The following IL12RB2 variants were observed in gnomAD, a reference collection of about 807,000 sequenced individuals.
The protein encoded by IL12RB2 is interleukin 12 receptor subunit beta 2.
IL12RB2 carries 82 observed loss-of-function variants against 89.4 expected under a neutral mutation model. That is an observed-to-expected ratio of 0.92 (90% CI 0.77 to 1.10). The LOEUF (loss-of-function observed/expected upper bound fraction) is 1.10. Ranked by LOEUF, IL12RB2 falls within the 50% of genes least tolerant of loss-of-function variation. The pLI, the probability that IL12RB2 is intolerant of heterozygous loss-of-function variation, is 0.00. For missense variants in IL12RB2, 963 were observed against 1,031.9 expected, an observed-to-expected ratio of 0.93 and a Z score of 0.92; for synonymous variants, 368 against 370.1, an observed-to-expected ratio of 0.99 and a Z score of 0.07.
chr1:67,341,497 G>GAGAAAGAAAGAAAGAGAAAAAGAAAGTA, intron 9 of IL12RB2, among the ~76,000 whole-genome samples: 1 of 126,678 alleles, frequency 7.9e-6, no homozygotes, highest in African/African-American at 2.8e-5. Context: ...AATAGAGAAA[G>GAGAAAGAAAGAAAGAGAAAAAGAAAGTA]AGAAAGAAGA....
At chr1:67,379,556 G>A (rs1197731104) in intron 13 of IL12RB2, among the ~76,000 whole-genome samples, 2 of 132,538 alleles carry the variant, frequency 1.5e-5, no homozygotes. Context: ...AAAACAATTT[G>A]TAAATTTAAC....
chr1:67,362,026 T>C (rs1244145237), intron 10 of IL12RB2, among the ~76,000 whole-genome samples: 3 of 151,902 alleles, frequency 2.0e-5, no homozygotes, highest in African/African-American at 7.3e-5. Flanking sequence ...ATCCCAGCAC[T>C]TTGGGAGGCC....
chr1:67,383,600 A>G (rs762122285), intron 14 of IL12RB2, among the ~76,000 whole-genome samples: 4 of 152,188 alleles, frequency 2.6e-5, no homozygotes, highest in Non-Finnish European at 4.4e-5. Flanking sequence ...GCATTGGGAA[A>G]ATACACCCCT....
At position 67,348,234 on chromosome 1, in the gene IL12RB2, C is replaced by T. The variant is rs118076963; in HGVS notation, c.1039-2636C>T. The stretch of plus-strand genomic sequence containing the variant: ...CCCCAAACTGATGAACTCATGCTGC[C>T]TGTTCGTGCTGCATGTGAGAATGTA... On this transcript the variant is annotated intron_variant, in intron 9 of 16. Transcript: ENST00000674203. Among the ~76,000 whole-genome samples the T allele has an allele frequency of 7.0e-4, 107 of 152,274 alleles. No homozygotes were observed. In the East Asian group the frequency reaches 0.019, roughly 26 times the overall value.
intron 11 of IL12RB2, among the ~76,000 whole-genome samples, chr1:67,370,996 C>T (rs937470358): frequency 1.3e-5 from 2 of 152,224 alleles, no homozygotes; most frequent in Non-Finnish European, 2.9e-5. Flanking sequence ...CTAACGAGCT[C>T]ATCTGGAACT....
At chr1:67,347,964 G>C (rs1660416996) in intron 9 of IL12RB2, among the ~76,000 whole-genome samples, 1 of 152,138 alleles carries the variant, frequency 6.6e-6, no homozygotes, top group African/African-American at 2.4e-5. Flanking sequence ...CTCAAAATCA[G>C]AATGGAGAGT....
intron 13 of IL12RB2, among the ~76,000 whole-genome samples, chr1:67,378,318 A>G (rs1664194199): frequency 6.6e-6 from 1 of 152,198 alleles, no homozygotes; most frequent in Admixed American, 6.5e-5. Context: ...ACCTACACTC[A>G]TGTTTCTTAG....
chr1:67,359,339 A>G (rs1211927758), intron 10 of IL12RB2, among the ~76,000 whole-genome samples: 4 of 152,216 alleles, frequency 2.6e-5, no homozygotes, highest in African/African-American at 9.6e-5. Context: ...TCAGATAAAG[A>G]TAGCACAAGA....
rs1322045951 is a variant in IL12RB2 at position 67,395,646 on chromosome 1, C to T, written c.2146C>T (p.Pro716Ser). 1 of 1,614,078 alleles carries T rather than the reference C, an allele frequency of 6.2e-7. No individual in the cohort carries two copies. Among genetic ancestry groups the T allele is most frequent in the East Asian group, 2.2e-5 (1 of 44,898 alleles). ...CAGTGAAGTCCTTCATCAAGTGACC[C>T]CAGTTTTCAGACATCCCCCCTGCTC... ...VISEVLHQVT[P>S]VFRHPPCSNW... is the part of the protein sequence containing the mutation. The change falls in exon 17 of 17, where the codon CCA becomes TCA. Residue 716 changes from proline to serine, a missense_variant. Transcript: ENST00000674203.
chr1:67,344,588 CG>C (rs1558320855), intron 9 of IL12RB2, among the ~76,000 whole-genome samples: 1 of 152,194 alleles, frequency 6.6e-6, no homozygotes, highest in Non-Finnish European at 1.5e-5. Context: ...CAACGGCTCT[CG>C]GCCTAATAAT....
At chr1:67,363,341 C>T (rs1383716405) in intron 10 of IL12RB2, among the ~76,000 whole-genome samples, 2 of 151,442 alleles carry the variant, frequency 1.3e-5, no homozygotes, top group Non-Finnish European at 2.9e-5. Flanking sequence ...CTCAGCCTCC[C>T]TAGTAGCTGG....
intron 10 of IL12RB2, among the ~76,000 whole-genome samples, chr1:67,357,931 T>A (rs1661578184): frequency 6.6e-6 from 1 of 151,136 alleles, no homozygotes; most frequent in African/African-American, 2.4e-5. Flanking sequence ...GGAGTTAGAG[T>A]AGAGGAAAAA....
chr1:67,350,031 C>T (rs953812110), intron 9 of IL12RB2, among the ~76,000 whole-genome samples: 4 of 152,178 alleles, frequency 2.6e-5, no homozygotes, highest in South Asian at 2.1e-4. Context: ...TTTCAGCAAA[C>T]ACAGCCGGAG....
chr1:67,361,778 G>A (rs1662075277), intron 10 of IL12RB2, among the ~76,000 whole-genome samples: 1 of 151,980 alleles, frequency 6.6e-6, no homozygotes, highest in Non-Finnish European at 1.5e-5. Flanking sequence ...ATTAATGTCA[G>A]ACACCAAACC....
At chr1:67,325,013 A>G (rs1173505357) in intron 4 of IL12RB2, among the ~76,000 whole-genome samples, 2 of 152,246 alleles carry the variant, frequency 1.3e-5, no homozygotes, top group East Asian at 1.9e-4. Flanking sequence ...TCTACCACTT[A>G]CTAGCTCTGT....
chr1:67,369,268 G>T (rs1663031009), intron 11 of IL12RB2, among the ~76,000 whole-genome samples: 1 of 152,214 alleles, frequency 6.6e-6, no homozygotes, highest in African/African-American at 2.4e-5. Context: ...ATTTAGCCTA[G>T]AAAGAGAATT....
At chr1:67,321,013 T>C (rs529615893) in intron 3 of IL12RB2, among the ~76,000 whole-genome samples, 62 of 151,768 alleles carry the variant, frequency 4.1e-4, no homozygotes, top group African/African-American at 1.4e-3. Flanking sequence ...TGTTCTTGTG[T>C]TGGTTTGTTC....
intron 8 of IL12RB2, among the ~76,000 whole-genome samples, chr1:67,332,510 T>G (rs1558309770): frequency 6.6e-6 from 1 of 152,210 alleles, no homozygotes; most frequent in African/African-American, 2.4e-5. Context: ...TTTTAAAAAT[T>G]GTCTAAAAGT....
chr1:67,372,300 CTG>C (rs1315302859), intron 11 of IL12RB2, 134 bp from the exon 12 acceptor site: 6 of 722,064 alleles, frequency 8.3e-6, no homozygotes. Context: ...TCAGTCCAGA[CTG>C]TGCTTGAACC....
Sources: allele counts gnomAD v4.1 joint callset (sites outside exome capture counted in the v4.1 genomes callset), GRCh38; gene constraint gnomAD v4.1.1; transcripts MANE v1.5; gene names NCBI Gene and HGNC (gene_info 2026-07-23, HGNC 2026-07-21).